The following PDE10A variants were observed in gnomAD, a reference collection of about 807,000 sequenced individuals.
PDE10A encodes the protein cAMP and cAMP-inhibited cGMP 3',5'-cyclic phosphodiesterase 10A.
PDE10A carries 39 observed loss-of-function variants against 97.7 expected under a neutral mutation model. The observed-to-expected ratio is 0.40, with a 90% confidence interval of 0.31 to 0.52. The LOEUF is 0.52. PDE10A is among the 20% of genes least tolerant of loss of function. PDE10A has a pLI of 0.56. For synonymous variants in PDE10A, 371 were observed against 376.8 expected, an observed-to-expected ratio of 0.98 and a Z score of 0.18; for missense variants, 731 against 1,047.8, an observed-to-expected ratio of 0.70 and a Z score of 4.17.
intron 13 of PDE10A, among the ~76,000 whole-genome samples, chr6:165,411,889 G>A (rs1042138414): frequency 9.9e-5 from 15 of 151,996 alleles, no homozygotes; most frequent in Non-Finnish European, 5.9e-5. Flanking sequence ...TGCAACTTTT[G>A]CTTTTGTCTG....
chr6:165,677,912 GTA>G (rs2128438508), intron 1 of PDE10A, among the ~76,000 whole-genome samples: 1 of 151,924 alleles, frequency 6.6e-6, no homozygotes, highest in South Asian at 2.1e-4. Context: ...GTGTATTTGT[GTA>G]TGTGTTTTTG....
chr6:165,733,317 A>G (rs1792485751), intron 1 of PDE10A, among the ~76,000 whole-genome samples: 1 of 152,218 alleles, frequency 6.6e-6, no homozygotes, highest in Non-Finnish European at 1.5e-5. Flanking sequence ...GATTAGAAAC[A>G]GCCTACTTGT....
At position 165,496,620 on chromosome 6, in the gene PDE10A, TAA is replaced by T. The variant is rs1174431340; in HGVS notation, c.995-14279_995-14278del. On this transcript the variant is annotated intron_variant, in intron 2 of 21. Transcript: ENST00000539869. ...GATAGCTGGACACACGTGAAGGACT[TAA>T]CTTCTTAACTAAATATAAATTTCTT... Among the ~76,000 whole-genome samples, 6 of 152,336 alleles carry T rather than the reference TAA, an allele frequency of 3.9e-5. 1 individual carries two copies. In the East Asian group the frequency reaches 1.2e-3, roughly 29 times the overall value.
At chr6:165,565,283 A>T (rs960004094) in intron 1 of PDE10A, among the ~76,000 whole-genome samples, 1 of 152,214 alleles carries the variant, frequency 6.6e-6, no homozygotes. Flanking sequence ...CACAAAAATC[A>T]GTATCTTTCC....
intron 2 of PDE10A, among the ~76,000 whole-genome samples, chr6:165,490,001 A>G (rs1780135913): frequency 6.6e-6 from 1 of 152,272 alleles, no homozygotes; most frequent in Admixed American, 6.5e-5. Context: ...AAATAAATCT[A>G]AAAGTTTGGA....
At chr6:165,966,574 A>C (rs1056346067) in intron 1 of PDE10A, among the ~76,000 whole-genome samples, 3 of 152,362 alleles carry the variant, frequency 2.0e-5, no homozygotes, top group Non-Finnish European at 4.4e-5. Context: ...TCATGCAGTG[A>C]ATATCGAGTC....
chr6:165,858,787 G>A (rs1780819238), intron 1 of PDE10A, among the ~76,000 whole-genome samples: 1 of 152,168 alleles, frequency 6.6e-6, no homozygotes, highest in East Asian at 1.9e-4. Flanking sequence ...TTAAATCCAT[G>A]TTTCCCCGGG....
intron 18 of PDE10A, 86 bp from the exon 19 acceptor site, chr6:165,343,588 A>G: frequency 1.1e-6 from 1 of 912,912 alleles, no homozygotes; most frequent in Non-Finnish European, 1.8e-6. Context: ...TTCAGGAGTG[A>G]AGTTTAAGTA....
intron 1 of PDE10A, among the ~76,000 whole-genome samples, chr6:165,883,539 CA>C (rs1216515740): frequency 1.0e-3 from 59 of 58,924 alleles, no homozygotes; most frequent in Non-Finnish European, 1.2e-3. Context: ...GACTCCGTCT[CA>C]AAAAAAAAAA....
In PDE10A at chr6:165,694,318, A is replaced by G. The variant is rs1010510096; in HGVS notation, c.-614-150750T>C. ...ACGTTTAACTGCAGTGGCCACAGGCACGGGACCATGAGAGAGGGCAGCCTG... is the reference window on the plus strand; with the variant it reads ...ACGTTTAACTGCAGTGGCCACAGGCGCGGGACCATGAGAGAGGGCAGCCTG... On this transcript the variant is annotated intron_variant, in intron 1 of 19. Coordinates refer to the PDE10A transcript ENST00000366882. 2.0e-5 allele frequency among the ~76,000 whole-genome samples: 3 copies of G among 152,234 alleles called. No individual in the cohort carries two copies. The South Asian group carries it at 6.2e-4, about 31-fold the overall frequency.
chr6:165,689,697 C>T (rs945369206), intron 1 of PDE10A, among the ~76,000 whole-genome samples: 5 of 152,304 alleles, frequency 3.3e-5, no homozygotes, highest in East Asian at 1.9e-4. Context: ...TCACCAGAAG[C>T]GGATGCTGGT....
At chr6:165,981,078 C>T (rs914720316) in intron 1 of PDE10A, among the ~76,000 whole-genome samples, 3 of 152,010 alleles carry the variant, frequency 2.0e-5, no homozygotes, top group Admixed American at 2.0e-4. Flanking sequence ...GGGTCAGGTG[C>T]ATGTTTGTTG....
At chr6:165,429,217 T>C (rs1789379988) in intron 9 of PDE10A, among the ~76,000 whole-genome samples, 1 of 152,124 alleles carries the variant, frequency 6.6e-6, no homozygotes, top group African/African-American at 2.4e-5. Context: ...GCTATGGATC[T>C]AATGACTTTA....
chr6:165,937,940 G>C (rs751988596), intron 1 of PDE10A, among the ~76,000 whole-genome samples: 1 of 152,122 alleles, frequency 6.6e-6, no homozygotes, highest in Non-Finnish European at 1.5e-5. Context: ...CCTGTATGAA[G>C]CCTGACAATA....
At chr6:165,617,136 G>A (rs1787761843) in intron 1 of PDE10A, among the ~76,000 whole-genome samples, 1 of 152,176 alleles carries the variant, frequency 6.6e-6, no homozygotes, top group South Asian at 2.1e-4. Flanking sequence ...AATGCCAGGA[G>A]AAGCTCTGGG....
intron 1 of PDE10A, among the ~76,000 whole-genome samples, chr6:165,799,947 G>A (rs915572513): frequency 6.6e-6 from 1 of 152,128 alleles, no homozygotes; most frequent in African/African-American, 2.4e-5. Flanking sequence ...CAGCTCCCCT[G>A]GGACGTCTGT....
At chr6:165,433,300 C>T (rs1014285643) in intron 6 of PDE10A, among the ~76,000 whole-genome samples, 171 bp from the exon 7 acceptor site, 1 of 152,092 alleles carries the variant, frequency 6.6e-6, no homozygotes, top group Admixed American at 6.6e-5. Context: ...AAAATGCTTA[C>T]TTTTTCATGG....
At chr6:165,905,678 A>G (rs1782241209) in intron 1 of PDE10A, among the ~76,000 whole-genome samples, 2 of 151,940 alleles carry the variant, frequency 1.3e-5, no homozygotes, top group South Asian at 4.1e-4. Flanking sequence ...TTTTAACTGA[A>G]AAAAAAACAA....
chr6:165,820,604 C>G (rs772513668), intron 1 of PDE10A, among the ~76,000 whole-genome samples: 1 of 152,202 alleles, frequency 6.6e-6, no homozygotes, highest in Admixed American at 6.5e-5. Context: ...GGCCCCCCAG[C>G]GTCTGGTCCT....
Sources: gnomAD v4.1 joint callset for allele counts (sites outside exome capture counted in the v4.1 genomes callset) on GRCh38, gnomAD v4.1.1 for gene constraint, MANE v1.5 for transcripts, NCBI Gene and HGNC (gene_info 2026-07-23, HGNC 2026-07-21) for gene names.